Variants in ZDHHC14 observed in about 807,000 individuals in gnomAD.
The protein encoded by ZDHHC14 is zDHHC palmitoyltransferase 14.
In ZDHHC14, 16 loss-of-function variants were observed where a neutral mutation model predicts 47.7. That is an observed-to-expected ratio of 0.34 (90% confidence interval 0.23 to 0.51). The LOEUF (loss-of-function observed/expected upper bound fraction) is 0.51. Among genes scored for constraint, ZDHHC14 ranks in the 20% least tolerant of loss-of-function variants. ZDHHC14 has a pLI of 0.97. For synonymous variants in ZDHHC14, 293 were observed against 278.9 expected, an observed-to-expected ratio of 1.05 and a Z score of -0.50; for missense variants, 515 against 662.5, an observed-to-expected ratio of 0.78 and a Z score of 2.44.
intron 2 of ZDHHC14, among the ~76,000 whole-genome samples, chr6:157,578,756 T>G (rs139583988): frequency 0.054 from 8,204 of 152,312 alleles, 266 homozygotes; most frequent in Admixed American, 0.072. Context: ...ACTCACTGTG[T>G]CCTGCTGCCC....
intron 3 of ZDHHC14, among the ~76,000 whole-genome samples, chr6:157,624,142 G>A (rs771131476): frequency 1.1e-4 from 16 of 152,178 alleles, no homozygotes; most frequent in Non-Finnish European, 2.2e-4. Context: ...GCAGTCACTT[G>A]CTCTCTTCCC....
At chr6:157,651,915 C>G (rs140446907) in intron 7 of ZDHHC14, among the ~76,000 whole-genome samples, 40 of 152,338 alleles carry the variant, frequency 2.6e-4, no homozygotes, top group African/African-American at 9.1e-4. Flanking sequence ...GAGATCCACA[C>G]CTGGACCTTC....
At chr6:157,400,882 A>G (rs933280175) in intron 1 of ZDHHC14, among the ~76,000 whole-genome samples, 3 of 152,080 alleles carry the variant, frequency 2.0e-5, no homozygotes, top group East Asian at 1.9e-4. Context: ...GCACGCCTTT[A>G]TCATCCCCTG....
intron 1 of ZDHHC14, among the ~76,000 whole-genome samples, chr6:157,392,990 C>T (rs930679664): frequency 2.2e-4 from 34 of 152,118 alleles, no homozygotes; most frequent in African/African-American, 8.2e-4. Flanking sequence ...AGCAATTGTC[C>T]TGCCTCAGCC....
At position 157,672,859 on chromosome 6, in the gene ZDHHC14, G is replaced by A. The variant is rs769849878; in HGVS notation, c.1204G>A (p.Ala402Thr). The stretch of plus-strand genomic sequence containing the variant: ...GAAGCCTGGCCTGGGCACGCCCTGC[G>A]CCAGCCTCACACTGGGCCCGCCCAC... ...PGKPGLGTPC[A>T]SLTLGPPTPP... Residue 402 changes from alanine to threonine, a missense_variant, in exon 9 of 9, where the codon GCC becomes ACC. Around this residue, in one of 4 missense-constraint regions of ZDHHC14, gnomAD observed 221 missense variants for 233.6 expected, o/e 0.95. Coordinates refer to ENST00000359775, the MANE Select transcript of ZDHHC14 (RefSeq NM_024630.3). The A allele has an allele frequency of 3.2e-5, 51 of 1,608,996 alleles. No homozygotes were observed. The highest frequency in any genetic ancestry group is 2.2e-4 in the South Asian group (20 of 90,702).
intron 1 of ZDHHC14, among the ~76,000 whole-genome samples, chr6:157,431,464 G>A (rs1308499821): frequency 6.6e-6 from 1 of 152,212 alleles, no homozygotes; most frequent in East Asian, 1.9e-4. Flanking sequence ...AACGCACTGT[G>A]TTGGGAAAGA....
chr6:157,536,251 T>C (rs1781541442), intron 1 of ZDHHC14, among the ~76,000 whole-genome samples: 2 of 152,218 alleles, frequency 1.3e-5, no homozygotes, highest in African/African-American at 4.8e-5. Context: ...GTATGCCTCG[T>C]GGTTATGTCT....
At chr6:157,388,303 A>AC (rs1777357468) in intron 1 of ZDHHC14, among the ~76,000 whole-genome samples, 1 of 152,182 alleles carries the variant, frequency 6.6e-6, no homozygotes, top group South Asian at 2.1e-4. Context: ...GTGATACTAA[A>AC]TTGTGCAGAA....
chr6:157,470,361 T>C (rs1415571311), intron 1 of ZDHHC14, among the ~76,000 whole-genome samples: 2 of 152,232 alleles, frequency 1.3e-5, no homozygotes, highest in Admixed American at 1.3e-4. Context: ...AATGCTGGGA[T>C]TATAGGCGTG....
intron 2 of ZDHHC14, among the ~76,000 whole-genome samples, chr6:157,565,585 G>A (rs1027607517): frequency 1.3e-5 from 2 of 152,128 alleles, no homozygotes; most frequent in African/African-American, 2.4e-5. Flanking sequence ...TTGGAAGGCC[G>A]AGGCGGGCGG....
intron 3 of ZDHHC14, among the ~76,000 whole-genome samples, chr6:157,612,709 A>G (rs532461722): frequency 5.3e-5 from 8 of 152,170 alleles, no homozygotes; most frequent in Non-Finnish European, 1.2e-4. Context: ...CCCAGCAGCC[A>G]ACTCCTTGAC....
chr6:157,466,560 A>G (rs761479508), intron 1 of ZDHHC14, among the ~76,000 whole-genome samples: 1 of 152,186 alleles, frequency 6.6e-6, no homozygotes, highest in African/African-American at 2.4e-5. Flanking sequence ...TTTTTTGGCC[A>G]GGCATGGTGG....
chr6:157,396,614 AACAC>A (rs1777528204), intron 1 of ZDHHC14, among the ~76,000 whole-genome samples: 1 of 152,208 alleles, frequency 6.6e-6, no homozygotes, highest in Non-Finnish European at 1.5e-5. Flanking sequence ...GCGTGGTCCT[AACAC>A]ACACAGTCAA....
intron 1 of ZDHHC14, among the ~76,000 whole-genome samples, chr6:157,389,515 G>A (rs1777380521): frequency 6.6e-6 from 1 of 152,122 alleles, no homozygotes; most frequent in South Asian, 2.1e-4. Context: ...TATCATCATG[G>A]TATTTGTTTT....
At chr6:157,382,317 G>A in intron 1 of ZDHHC14, 51 bp downstream of exon 1, 1 of 1,588,100 alleles carries the variant, frequency 6.3e-7, no homozygotes, top group Non-Finnish European at 8.5e-7. Context: ...GGTCTCCCCT[G>A]TCCCCCGCCC....
chr6:157,672,641 C>CCA, intron 8 of ZDHHC14, 83 bp from the exon 9 acceptor site: 1 of 503,004 alleles, frequency 2.0e-6, no homozygotes, highest in Non-Finnish European at 3.5e-6. Flanking sequence ...CCTCCCCGCC[C>CCA]GTGCCCTGTC....
At chr6:157,554,728 G>A (rs528388658) in intron 2 of ZDHHC14, among the ~76,000 whole-genome samples, 3 of 152,302 alleles carry the variant, frequency 2.0e-5, no homozygotes, top group South Asian at 4.1e-4. Context: ...TTTTGAGCCA[G>A]CGAGTAAAAA....
chr6:157,633,091 A>C (rs1321159043), intron 5 of ZDHHC14, among the ~76,000 whole-genome samples: 1 of 152,162 alleles, frequency 6.6e-6, no homozygotes, highest in Non-Finnish European at 1.5e-5. Flanking sequence ...AGGGCTAGGA[A>C]GCCAAGTATG....
chr6:157,668,192 G>C (rs779777889), intron 8 of ZDHHC14, among the ~76,000 whole-genome samples: 2 of 152,236 alleles, frequency 1.3e-5, no homozygotes, highest in Non-Finnish European at 2.9e-5. Flanking sequence ...GGAGGGCACA[G>C]AGAGTAGGTT....
Sources: gnomAD v4.1 joint callset for allele counts (sites outside exome capture counted in the v4.1 genomes callset) on GRCh38, gnomAD v4.1.1 for gene constraint, gnomAD v4.1.1 regional missense constraint, MANE v1.5 for transcripts, NCBI Gene and HGNC (gene_info 2026-07-23, HGNC 2026-07-21) for gene names.